The following SEC23IP variants were observed in gnomAD, a reference collection of about 807,000 sequenced individuals.
The protein encoded by SEC23IP is SEC23-interacting protein.
Under a neutral mutation model 113.4 loss-of-function variants are expected in SEC23IP, and 70 were observed. That is an observed-to-expected ratio of 0.62 (90% confidence interval 0.51 to 0.75). The LOEUF is 0.75. Ranked by LOEUF, SEC23IP falls within the 30% of genes least tolerant of loss-of-function variation. The pLI, the probability that SEC23IP is intolerant of heterozygous loss-of-function variation, is 0.00. For missense variants in SEC23IP, 1,160 were observed against 1,204.9 expected (o/e 0.96, Z 0.55); for synonymous variants, 398 against 421.0 (o/e 0.95, Z 0.67).
chr10:119,916,734 G>A (rs1855064469), intron 8 of SEC23IP, among the ~76,000 whole-genome samples: 1 of 151,820 alleles, frequency 6.6e-6, no homozygotes, highest in Admixed American at 6.6e-5. Context: ...GCAGTTAACT[G>A]GAAGAAAAAT....
chr10:119,896,959 C>G (rs1442033495), intron 1 of SEC23IP, among the ~76,000 whole-genome samples: 1 of 152,218 alleles, frequency 6.6e-6, no homozygotes, highest in Non-Finnish European at 1.5e-5. Flanking sequence ...TACAAAGAAA[C>G]TACCAAAAGG....
intron 2 of SEC23IP, among the ~76,000 whole-genome samples, 192 bp from the exon 3 acceptor site, chr10:119,902,607 G>A (rs995481192): frequency 1.3e-5 from 2 of 152,040 alleles, no homozygotes; most frequent in Non-Finnish European, 2.9e-5. Flanking sequence ...CTCACCTCAA[G>A]CATTTATCCT....
intron 4 of SEC23IP, among the ~76,000 whole-genome samples, chr10:119,906,577 A>T (rs973544430): frequency 8.6e-5 from 13 of 152,004 alleles, no homozygotes; most frequent in South Asian, 8.4e-4. Flanking sequence ...AAGTGAAAAT[A>T]ATTTATTTAT....
chr10:119,939,596 A>G (rs1855899786), intron 18 of SEC23IP, among the ~76,000 whole-genome samples: 1 of 152,148 alleles, frequency 6.6e-6, no homozygotes, highest in African/African-American at 2.4e-5. Flanking sequence ...AATCTTTTGA[A>G]CCTGGGAGAC....
At chr10:119,915,297 G>A (rs1170077600) in intron 7 of SEC23IP, among the ~76,000 whole-genome samples, 1 of 152,068 alleles carries the variant, frequency 6.6e-6, no homozygotes, top group African/African-American at 2.4e-5. Flanking sequence ...AACCTTTGGG[G>A]TATAGGCGCT....
In SEC23IP at chr10:119,933,124, T is replaced by G; in HGVS notation, c.2878T>G (p.Phe960Val). The G allele has an allele frequency of 3.7e-6, 6 of 1,614,060 alleles. No homozygotes were observed. Among genetic ancestry groups the G allele is most frequent in the Non-Finnish European group, 4.2e-6 (5 of 1,179,964 alleles). ...YVLQEKPIESFNEYLFALQSH... is the reference protein window; with the variant it reads ...YVLQEKPIESVNEYLFALQSH... ...TCTCCAAGAAAAACCAATAGAGAGT[T>G]TTAATGAATACCTTTTCGCTCTTCA... Residue 960 changes from phenylalanine to valine, a missense_variant, in exon 17 of 19, where the codon TTT (phenylalanine) becomes GTT (valine). Coordinates refer to ENST00000369075, the MANE Select transcript of SEC23IP (RefSeq NM_007190.4).
In SEC23IP at chr10:119,929,629, T is replaced by C; in HGVS notation, c.2336T>C (p.Leu779Ser). ...AGQVSVAYNS[L>S]DFEPEIFFAL... ...CAGGTTTCTGTTGCTTACAACTCATTAGATTTTGAACCAGAGATATTCTTT... is the reference window on the plus strand; with the variant it reads ...CAGGTTTCTGTTGCTTACAACTCATCAGATTTTGAACCAGAGATATTCTTT... The change falls in exon 14 of 19, where the codon TTA becomes TCA. Residue 779 changes from leucine (L) to serine (S), a missense_variant. By Grantham distance (145) the Leu-to-Ser change is moderately radical (BLOSUM62 -2). Coordinates refer to ENST00000369075, the MANE Select transcript of SEC23IP (RefSeq NM_007190.4). 2 of 1,610,876 alleles carry C rather than the reference T, an allele frequency of 1.2e-6. No individual in the cohort carries two copies. Among genetic ancestry groups the C allele is most frequent in the South Asian group, 1.1e-5 (1 of 90,922 alleles).
rs916388728 is a variant in SEC23IP, at chr10:119,943,345, T to C, written c.*2780T>C. 1 of 152,250 alleles carries C rather than the reference T, an allele frequency of 6.6e-6. No homozygotes were observed. The highest frequency in any genetic ancestry group is 1.5e-5 in the Non-Finnish European group (1 of 68,068). 9.4% of individuals were successfully genotyped at this position (152,250 alleles called of 1,614,324 possible). Reference sequence around the variant, plus strand: ...TTGTGTTCCTGCTGTTGACTGTCCCTGCGGTGCACGGGACAGACTGTCAGC... The same window carrying C: ...TTGTGTTCCTGCTGTTGACTGTCCCCGCGGTGCACGGGACAGACTGTCAGC... On this transcript the variant is annotated 3_prime_UTR_variant, in exon 19 of 19. Transcript: ENST00000369075.
rs2134551075 is a variant in SEC23IP, at chr10:119,941,825, A to G, written c.*1260A>G. 6.5e-6 allele frequency: 1 copy of G among 152,764 alleles called. No individual in the cohort carries two copies. Among genetic ancestry groups the G allele is most frequent in the East Asian group, 1.9e-4 (1 of 5,182 alleles). The allele number at this position is 152,764 out of a possible 1,614,324, so 9.5% of individuals were successfully genotyped here. The stretch of plus-strand genomic sequence containing the variant: ...ATTTTGAGTACCTGCTTATATGGTC[A>G]GTATGTAACGTTAGCATTGGCTCCT... On this transcript the variant is annotated 3_prime_UTR_variant, in exon 19 of 19. Coordinates refer to ENST00000369075, the MANE Select transcript of SEC23IP (RefSeq NM_007190.4).
At chr10:119,901,490 A>G (rs570912688) in intron 2 of SEC23IP, among the ~76,000 whole-genome samples, 1 of 151,836 alleles carries the variant, frequency 6.6e-6, no homozygotes, top group Non-Finnish European at 1.5e-5. Context: ...TTTTTTTGCA[A>G]ACATTCCAAA....
chr10:119,901,566 AT>A (rs1253725035), intron 2 of SEC23IP, among the ~76,000 whole-genome samples: 1 of 152,194 alleles, frequency 6.6e-6, no homozygotes, highest in East Asian at 1.9e-4. Context: ...AAAGGCATCC[AT>A]TTACAGTATA....
chr10:119,912,642 C>CTTTTTTTTTTTT (rs760515822), intron 6 of SEC23IP, among the ~76,000 whole-genome samples: 20 of 116,372 alleles, frequency 1.7e-4, no homozygotes, highest in African/African-American at 2.3e-4. Context: ...TTTTCTTTTT[C>CTTTTTTTTTTTT]TTTTTTTTTT....
In SEC23IP at chr10:119,926,147, C is replaced by T. The variant is rs777751087; in HGVS notation, c.2233C>T (p.Pro745Ser). The change falls in exon 13 of 19, where the codon CCA (proline) becomes TCA (serine). Residue 745 changes from proline (P) to serine (S), a missense_variant. Physicochemically the swap from Pro to Ser is moderately conservative, Grantham distance 74 (BLOSUM62 -1). Transcript: ENST00000369075. ...MASLPSESNE[P>S]KRKLPVGACV... The stretch of plus-strand genomic sequence containing the variant: ...TTCCCTCCCCTCAGAATCCAATGAG[C>T]CAAAGAGGAAACTTCCAGTTGGTGC... 6.2e-7 allele frequency: 1 copy of T among 1,614,070 alleles called. No homozygotes were observed. The highest frequency in any genetic ancestry group is 1.1e-5 in the South Asian group (1 of 91,072).
chr10:119,914,182 A>G (rs1460731721), intron 6 of SEC23IP, among the ~76,000 whole-genome samples: 1 of 152,076 alleles, frequency 6.6e-6, no homozygotes. Flanking sequence ...AAAACAAAAC[A>G]ACAGGTAGGA....
At chr10:119,930,818 C>T (rs1359226966) in intron 15 of SEC23IP, among the ~76,000 whole-genome samples, 1 of 152,206 alleles carries the variant, frequency 6.6e-6, no homozygotes, top group Non-Finnish European at 1.5e-5. Flanking sequence ...TAACTAGACA[C>T]ACCTTCCTGT....
At chr10:119,925,578 G>C (rs530800791) in intron 12 of SEC23IP, among the ~76,000 whole-genome samples, 2 of 152,152 alleles carry the variant, frequency 1.3e-5, no homozygotes, top group South Asian at 2.1e-4. Context: ...GTCTCTCTCT[G>C]TTGCCCAGGG....
chr10:119,928,137 C>A (rs113058297), intron 13 of SEC23IP, among the ~76,000 whole-genome samples: 1 of 152,162 alleles, frequency 6.6e-6, no homozygotes, highest in East Asian at 1.9e-4. Context: ...CTGATAACCC[C>A]ATAGGGAAAA....
intron 18 of SEC23IP, among the ~76,000 whole-genome samples, 182 bp from the exon 19 acceptor site, chr10:119,940,404 G>A (rs1189006589): frequency 6.6e-6 from 1 of 151,424 alleles, no homozygotes; most frequent in Non-Finnish European, 1.5e-5. Flanking sequence ...AGTCAGGATG[G>A]TCTCGATTTC....
intron 3 of SEC23IP, among the ~76,000 whole-genome samples, chr10:119,903,864 G>A (rs2134461899): frequency 6.6e-6 from 1 of 152,266 alleles, no homozygotes; most frequent in East Asian, 1.9e-4. Context: ...GGGATTATAG[G>A]CGTGTGCCAC....
Sources: gnomAD v4.1 joint callset for allele counts (sites outside exome capture counted in the v4.1 genomes callset) on GRCh38, gnomAD v4.1.1 for gene constraint, MANE v1.5 for transcripts, NCBI Gene and HGNC (gene_info 2026-07-23, HGNC 2026-07-21) for gene names.